Variants in PHAX observed in about 807,000 individuals in gnomAD.
PHAX encodes the protein phosphorylated adaptor for RNA export.
A neutral mutation model predicts 41.6 loss-of-function variants in PHAX; 31 were observed. That is an observed-to-expected ratio of 0.75 (90% CI 0.56 to 1.01). The LOEUF is 1.01. Ranked by LOEUF, PHAX falls within the 50% of genes least tolerant of loss-of-function variation. The probability of loss-of-function intolerance (pLI) is 0.00; values close to 1 mark genes in which losing one functional copy is unlikely to be tolerated. For synonymous variants in PHAX, 175 were observed against 164.9 expected, an observed-to-expected ratio of 1.06 and a Z score of -0.47; for missense variants, 453 against 472.9, an observed-to-expected ratio of 0.96 and a Z score of 0.39.
intron 3 of PHAX, among the ~76,000 whole-genome samples, chr5:126,614,043 GTGAGCCATTGTACCC>G (rs1752147510): frequency 6.6e-6 from 1 of 151,590 alleles, no homozygotes; most frequent in Non-Finnish European, 1.5e-5. Flanking sequence ...GATTACAGGT[GTGAGCCATTGTACCC>G]CGCCTATTTT....
Position 126,603,565 on chromosome 5 carries a change from T to G in PHAX, c.97-5T>G. 1 of 1,587,096 alleles carries G rather than the reference T, an allele frequency of 6.3e-7. No individual in the cohort carries two copies. The stretch of plus-strand genomic sequence containing the variant: ...GAAATTGATTGTGTTTCTTTTCACT[T>G]GCAGAAAGTGCTAGGTGGCGACAGT... On this transcript the variant is annotated splice_region_variant and splice_polypyrimidine_tract_variant and intron_variant, in intron 1 of 4. Transcript: ENST00000297540.
intron 3 of PHAX, among the ~76,000 whole-genome samples, chr5:126,610,319 A>G (rs900646): frequency 0.26 from 39,973 of 152,082 alleles, 6,547 homozygotes; most frequent in African/African-American, 0.45. Flanking sequence ...CAGGGTGAGG[A>G]TGAAGGTTTG....
intron 1 of PHAX, 100 bp from the exon 2 acceptor site, chr5:126,603,469 TC>T: frequency 7.9e-7 from 1 of 1,268,964 alleles, no homozygotes. Context: ...GAAGATCAGT[TC>T]CATTTTGGAA....
chr5:126,601,451 C>T (rs1751902131), intron 1 of PHAX, among the ~76,000 whole-genome samples: 3 of 152,222 alleles, frequency 2.0e-5, no homozygotes, highest in Admixed American at 2.0e-4. Context: ...TCCATCGCCG[C>T]TAGGTAACCA....
In PHAX at chr5:126,608,499, C is replaced by G; in HGVS notation, c.831+15C>G. On this transcript the variant is annotated intron_variant, in intron 3 of 4. Transcript: ENST00000297540. ...TCTTTATAATGGTAAGACTGCTTAA[C>G]TGTTTTTGTTTTTGTATTGTTTATC... is the stretch of plus-strand genomic sequence containing the variant. The G allele has an allele frequency of 6.3e-7, 1 of 1,599,710 alleles. No homozygotes were observed. The highest frequency in any genetic ancestry group is 2.2e-5 in the East Asian group (1 of 44,452).
intron 2 of PHAX, among the ~76,000 whole-genome samples, chr5:126,604,519 C>T (rs1751960349): frequency 1.3e-5 from 2 of 152,000 alleles, no homozygotes; most frequent in Non-Finnish European, 2.9e-5. Flanking sequence ...CCCGCCTTTG[C>T]CTCTCAAAGT....
Position 126,624,890 on chromosome 5 carries a change from T to A in PHAX, c.*46T>A, listed in dbSNP as rs372704366. On this transcript the variant is annotated 3_prime_UTR_variant, in exon 5 of 5. Transcript: ENST00000297540. ...GGACTAAGCCTTTCTAAAATAACAT[T>A]GTAATAAACCATTTTTACTGAGATT... The A allele has an allele frequency of 6.5e-7, 1 of 1,527,340 alleles. No homozygotes were observed. The highest frequency in any genetic ancestry group is 8.8e-7 in the Non-Finnish European group (1 of 1,134,052). The allele number at this position is 1,527,340 out of a possible 1,614,324, so 94.6% of individuals were successfully genotyped here. A position where few individuals can be genotyped will look rare whatever the true frequency, so the allele number is the denominator to read the frequency against.
chr5:126,606,255 TC>T (rs1375186374), intron 2 of PHAX, among the ~76,000 whole-genome samples: 4 of 151,760 alleles, frequency 2.6e-5, no homozygotes, highest in African/African-American at 7.2e-5. Flanking sequence ...GAGTGCAGTG[TC>T]ACGATCTCAG....
At chr5:126,617,415 C>T in intron 4 of PHAX, 82 bp downstream of exon 4, 2 of 730,122 alleles carry the variant, frequency 2.7e-6, no homozygotes, top group Non-Finnish European at 4.7e-6. Flanking sequence ...TATGGATATG[C>T]ATTACCTGTT....
rs200193170 is a variant in PHAX, at chr5:126,624,662, A to C, written c.1003A>C (p.Lys335Gln). 6.2e-7 allele frequency: 1 copy of C among 1,614,068 alleles called. No individual in the cohort carries two copies. The highest frequency in any genetic ancestry group is 2.2e-5 in the East Asian group (1 of 44,866). ...AACACAAGTGTTGGGGAAAAAGATG[A>C]AACAAGCTATTAAAAGTCTAAATTT... ...RRTQVLGKKM[K>Q]QAIKSLNFQE... Residue 335 changes from lysine to glutamine, a missense_variant, in exon 5 of 5, where the codon AAA becomes CAA. Lys to Gln is a moderately conservative substitution (Grantham distance 53, BLOSUM62 1). Coordinates refer to ENST00000297540, the MANE Select transcript of PHAX (RefSeq NM_032177.4).
At chr5:126,623,978 T>G (rs548633734) in intron 4 of PHAX, among the ~76,000 whole-genome samples, 2 of 151,592 alleles carry the variant, frequency 1.3e-5, no homozygotes, top group Non-Finnish European at 2.9e-5. Context: ...CTCCAAAACT[T>G]TTTGACTTTT....
At chr5:126,608,929 C>T (rs968443280) in intron 3 of PHAX, among the ~76,000 whole-genome samples, 9 of 145,852 alleles carry the variant, frequency 6.2e-5, no homozygotes, top group African/African-American at 2.3e-4. Flanking sequence ...AGGAGCGAAA[C>T]TCCGTCTCAA....
chr5:126,604,308 GCT>G (rs1268219815), intron 2 of PHAX, 125 bp downstream of exon 2: 1 of 861,508 alleles, frequency 1.2e-6, no homozygotes. Flanking sequence ...ACAGGGTCTT[GCT>G]CTGTCACCCA....
At chr5:126,606,384 A>G (rs1170776400) in intron 2 of PHAX, among the ~76,000 whole-genome samples, 1 of 152,086 alleles carries the variant, frequency 6.6e-6, no homozygotes, top group Non-Finnish European at 1.5e-5. Flanking sequence ...TTTAGTAGAG[A>G]CAGGGTTTCG....
intron 4 of PHAX, among the ~76,000 whole-genome samples, chr5:126,618,634 T>C (rs929961250): frequency 4.0e-5 from 6 of 151,484 alleles, no homozygotes; most frequent in African/African-American, 1.5e-4. Flanking sequence ...AATTTTTTTT[T>C]TTAATTTTTG....
At chr5:126,601,289 C>T (rs1751894765) in intron 1 of PHAX, among the ~76,000 whole-genome samples, 1 of 152,078 alleles carries the variant, frequency 6.6e-6, no homozygotes, top group Non-Finnish European at 1.5e-5. Context: ...GCGGCAGCGG[C>T]AGCGGCTGGC....
intron 4 of PHAX, among the ~76,000 whole-genome samples, chr5:126,621,797 T>C (rs567794066): frequency 6.6e-6 from 1 of 152,268 alleles, no homozygotes; most frequent in Non-Finnish European, 1.5e-5. Context: ...GAGTTAAGTA[T>C]ATATAGATAT....
intron 3 of PHAX, among the ~76,000 whole-genome samples, chr5:126,611,396 G>C (rs1257675144): frequency 6.6e-6 from 1 of 152,184 alleles, no homozygotes; most frequent in Non-Finnish European, 1.5e-5. Context: ...CTTGAATTCA[G>C]TGCTTTCTAC....
intron 1 of PHAX, among the ~76,000 whole-genome samples, chr5:126,602,360 G>A (rs1052651775): frequency 1.3e-5 from 2 of 152,238 alleles, no homozygotes; most frequent in African/African-American, 4.8e-5. Context: ...GGCCACCGAT[G>A]TGTGACCTAC....
Sources: allele counts gnomAD v4.1 joint callset (sites outside exome capture counted in the v4.1 genomes callset), GRCh38; gene constraint gnomAD v4.1.1; transcripts MANE v1.5; gene names NCBI Gene and HGNC (gene_info 2026-07-23, HGNC 2026-07-21).